MR1: variants seen among roughly 807,000 people sequenced by gnomAD.
The protein encoded by MR1 is major histocompatibility complex class I-related protein 1.
Under a neutral mutation model 37.8 loss-of-function variants are expected in MR1, and 44 were observed. The observed-to-expected ratio is 1.16, with a 90% CI of 0.91 to 1.50. The LOEUF (loss-of-function observed/expected upper bound fraction) is 1.50, where lower values mean the gene tolerates loss of function less well. Among genes scored for constraint, MR1 ranks in the 40% most tolerant of loss-of-function variants. The pLI, the probability that MR1 is intolerant of heterozygous loss-of-function variation, is 0.00. For synonymous variants in MR1, 153 were observed against 155.8 expected, an observed-to-expected ratio of 0.98 and a Z score of 0.13; for missense variants, 386 against 419.1, an observed-to-expected ratio of 0.92 and a Z score of 0.69.
chr1:181,046,879 C>T (rs1255674281), intron 1 of MR1, among the ~76,000 whole-genome samples: 3 of 152,046 alleles, frequency 2.0e-5, no homozygotes, highest in African/African-American at 7.2e-5. Context: ...ACACTCACTG[C>T]GAAGGTCTGC....
At chr1:181,052,649 G>A (rs1443860710) in intron 4 of MR1, 139 bp downstream of exon 4, 8 of 948,074 alleles carry the variant, frequency 8.4e-6, no homozygotes, top group South Asian at 1.9e-5. Context: ...TAAATAAGTG[G>A]TTCTCACACT....
intron 1 of MR1, among the ~76,000 whole-genome samples, chr1:181,038,460 T>C (rs145849796): frequency 1.3e-5 from 2 of 152,360 alleles, no homozygotes; most frequent in East Asian, 3.8e-4. Flanking sequence ...TTGACCTTAT[T>C]AAGGCATTGG....
Position 181,034,085 on chromosome 1 carries a change from C to A in MR1, c.67+11C>A, listed in dbSNP as rs1301347837. Reference sequence around the variant, plus strand: ...AGCACAGCGATTCCCGTGAGTATCCCACGTCCTCTTCTCTCCTAACTCCAA... The same window carrying A: ...AGCACAGCGATTCCCGTGAGTATCCAACGTCCTCTTCTCTCCTAACTCCAA... On this transcript the variant is annotated intron_variant, in intron 1 of 5. Transcript: ENST00000367580. The A allele has an allele frequency of 6.2e-7, 1 of 1,610,582 alleles. No homozygotes were observed. Among genetic ancestry groups the A allele is most frequent in the South Asian group, 1.1e-5 (1 of 90,436 alleles).
At position 181,049,164 on chromosome 1, in the gene MR1, T is replaced by C; in HGVS notation, c.180T>C (p.Ser60=). The C allele has an allele frequency of 6.2e-7, 1 of 1,614,178 alleles. No individual in the cohort carries two copies. The highest frequency in any genetic ancestry group is 8.5e-7 in the Non-Finnish European group (1 of 1,180,028). The change falls in exon 2 of 6, where the codon AGT becomes AGC. Residue 60 remains serine (S), a synonymous_variant. Transcript: ENST00000367580. Reference sequence around the variant, plus strand: ...CGCACCCTATCACCACATATGACAGTGTCACTCGGCAGAAGGAGCCACGGG... The same window carrying C: ...CGCACCCTATCACCACATATGACAGCGTCACTCGGCAGAAGGAGCCACGGG... ...VDSHPITTYD[S]VTRQKEPRAP...
At position 181,055,376 on chromosome 1, in the gene MR1, T is replaced by A. The variant is rs1405537162; in HGVS notation, c.*111T>A. On this transcript the variant is annotated 3_prime_UTR_variant, in exon 6 of 6. Coordinates refer to ENST00000367580, the MANE Select transcript of MR1 (RefSeq NM_001385161.1). ...GTCCTGACGACACCCACAACATACATGAGAGTAATGGGATTGAGCATTTAT... is the reference window on the plus strand; with the variant it reads ...GTCCTGACGACACCCACAACATACAAGAGAGTAATGGGATTGAGCATTTAT... 4.3e-6 allele frequency: 4 copies of A among 922,270 alleles called. No homozygotes were observed. In the East Asian group the frequency reaches 9.7e-5, roughly 22 times the overall value. 57.1% of individuals were successfully genotyped at this position (922,270 alleles called of 1,614,324 possible).
intron 1 of MR1, among the ~76,000 whole-genome samples, chr1:181,048,638 G>A (rs1051771736): frequency 2.6e-5 from 4 of 152,188 alleles, no homozygotes; most frequent in Admixed American, 2.6e-4. Context: ...TTCACCAGAG[G>A]CTTCTTTGGT....
At position 181,054,649 on chromosome 1, in the gene MR1, C is replaced by T. The variant is rs1015092913; in HGVS notation, c.986-576C>T. Among the ~76,000 whole-genome samples the T allele has an allele frequency of 8.6e-5, 13 of 151,444 alleles. No homozygotes were observed. In the South Asian group the frequency reaches 1.0e-3, roughly 12 times the overall value. ...GGCGGATCACTTGAGGTCAGGAGTT[C>T]GAGATCAGCCTGGCCAACATGGTGA... On this transcript the variant is annotated intron_variant, in intron 5 of 5. Coordinates refer to ENST00000367580, the MANE Select transcript of MR1 (RefSeq NM_001385161.1).
At chr1:181,053,484 T>C in intron 4 of MR1, 89 bp from the exon 5 acceptor site, 1 of 923,628 alleles carries the variant, frequency 1.1e-6, no homozygotes, top group Admixed American at 1.9e-5. Context: ...GTGTTGGGTT[T>C]CCTGATGATC....
chr1:181,044,641 G>A (rs977024367), intron 1 of MR1, among the ~76,000 whole-genome samples: 3 of 152,194 alleles, frequency 2.0e-5, no homozygotes, highest in African/African-American at 4.8e-5. Flanking sequence ...GGAACCTGGA[G>A]TTCCCCACTC....
intron 1 of MR1, among the ~76,000 whole-genome samples, chr1:181,045,485 C>T (rs1375299452): frequency 6.6e-6 from 1 of 152,050 alleles, no homozygotes; most frequent in Non-Finnish European, 1.5e-5. Context: ...TCTCGAACCT[C>T]CTGCTTGCAC....
chr1:181,048,667 C>T (rs12060051), intron 1 of MR1, among the ~76,000 whole-genome samples: 5,657 of 152,294 alleles, frequency 0.037, 164 homozygotes, highest in African/African-American at 0.077. Flanking sequence ...AAGGCTGCGT[C>T]ATCAGGGTTT....
In MR1 at chr1:181,053,580, A is replaced by C. The variant is rs1328279233; in HGVS notation, c.888A>C (p.Glu296Asp). Residue 296 changes from glutamate to aspartate, a missense_variant, in exon 5 of 6, where the codon GAA becomes GAC. Glu to Asp is a conservative substitution (Grantham distance 45, BLOSUM62 2). Transcript: ENST00000367580. The stretch of plus-strand genomic sequence containing the variant: ...TCATTTGCTTGCTTTCAGAATCAGA[A>C]ACTATCCCTCTTGTGATGAAAGCTG... ...HMVLQVPQES[E>D]TIPLVMKAVS... is the part of the protein sequence containing the mutation. 1.9e-6 allele frequency: 3 copies of C among 1,612,952 alleles called. No individual in the cohort carries two copies. The East Asian group carries it at 6.7e-5, about 36-fold the overall frequency.
At chr1:181,053,752 C>A in intron 5 of MR1, 75 bp downstream of exon 5, 1 of 1,074,472 alleles carries the variant, frequency 9.3e-7, no homozygotes, top group Non-Finnish European at 1.4e-6. Context: ...TCTGCACCTG[C>A]TGCTCCCTCC....
rs1380467741 is a variant in MR1 at position 181,057,064 on chromosome 1, G to C, written c.*1799G>C. 6.6e-6 allele frequency: 1 copy of C among 150,464 alleles called. No homozygotes were observed. Among genetic ancestry groups the C allele is most frequent in the African/African-American group, 2.5e-5 (1 of 40,776 alleles). 9.3% of individuals were successfully genotyped at this position (150,464 alleles called of 1,614,324 possible). ...GAATCTATAAGGCAGAGGTGGCAGT[G>C]AGCCGAGATCACACCACTGCACTCC... On this transcript the variant is annotated 3_prime_UTR_variant, in exon 6 of 6. Transcript: ENST00000367580.
chr1:181,038,525 A>G (rs1657387717), intron 1 of MR1, among the ~76,000 whole-genome samples: 1 of 152,246 alleles, frequency 6.6e-6, no homozygotes, highest in Non-Finnish European at 1.5e-5. Context: ...TTATCCAATC[A>G]GGACTCACGG....
intron 3 of MR1, 148 bp from the exon 4 acceptor site, chr1:181,052,087 T>C (rs749329475): frequency 1.0e-5 from 9 of 871,212 alleles, no homozygotes; most frequent in Middle Eastern, 6.0e-4. Flanking sequence ...TAAATACGTT[T>C]GTTGTTGATG....
At chr1:181,034,960 T>C (rs1169232406) in intron 1 of MR1, among the ~76,000 whole-genome samples, 5 of 152,126 alleles carry the variant, frequency 3.3e-5, no homozygotes, top group Non-Finnish European at 7.4e-5. Context: ...ATCTATGCTA[T>C]AACAAAATTG....
intron 1 of MR1, among the ~76,000 whole-genome samples, chr1:181,038,829 G>A (rs1657406924): frequency 6.6e-6 from 1 of 152,078 alleles, no homozygotes; most frequent in Admixed American, 6.5e-5. Context: ...TTGAGATGGA[G>A]TTTTGCTCTT....
intron 1 of MR1, among the ~76,000 whole-genome samples, chr1:181,035,269 G>A (rs537721219): frequency 1.3e-3 from 200 of 152,038 alleles, no homozygotes; most frequent in Admixed American, 2.9e-3. Context: ...CCCAGGAGGC[G>A]GAGGTTGCAG....
Sources: allele counts gnomAD v4.1 joint callset (sites outside exome capture counted in the v4.1 genomes callset), GRCh38; gene constraint gnomAD v4.1.1; transcripts MANE v1.5; gene names NCBI Gene and HGNC (gene_info 2026-07-23, HGNC 2026-07-21).